FSTL4: variants seen among roughly 807,000 people sequenced by gnomAD.
FSTL4 encodes the protein follistatin-related protein 4.
In FSTL4, 28 loss-of-function variants were observed where a neutral mutation model predicts 78.2. The observed-to-expected ratio is 0.36, with a 90% CI of 0.27 to 0.49. The LOEUF (loss-of-function observed/expected upper bound fraction) is 0.49, where lower values mean the gene tolerates loss of function less well. Ranked by LOEUF, FSTL4 falls within the 20% of genes least tolerant of loss-of-function variation. The pLI is 0.98. For missense variants in FSTL4, 922 were observed against 1,084.9 expected, an observed-to-expected ratio of 0.85 and a Z score of 2.11; for synonymous variants, 422 against 440.5, an observed-to-expected ratio of 0.96 and a Z score of 0.53.
At chr5:133,606,889 A>G (rs1222038767) in intron 1 of FSTL4, among the ~76,000 whole-genome samples, 1 of 152,246 alleles carries the variant, frequency 6.6e-6, no homozygotes, top group East Asian at 1.9e-4. Context: ...ATTCATTTCA[A>G]CTGTGATTTT....
chr5:133,666,493 T>C, the FSTL4 span, among the ~76,000 whole-genome samples: 1 of 152,176 alleles, frequency 6.6e-6, no homozygotes, highest in Non-Finnish European at 1.5e-5. Context: ...GGTATTCTAA[T>C]TATATGTAAA....
intron 4 of FSTL4, among the ~76,000 whole-genome samples, chr5:133,345,767 T>C (rs1286363011): frequency 6.6e-6 from 1 of 152,160 alleles, no homozygotes; most frequent in African/African-American, 2.4e-5. Flanking sequence ...TGTGAAGAAA[T>C]AGGAACGTTT....
chr5:133,590,093 CTTTA>C (rs60216054), intron 2 of FSTL4, among the ~76,000 whole-genome samples: 30,975 of 149,008 alleles, frequency 0.21, 3,761 homozygotes, highest in East Asian at 0.29. Flanking sequence ...GGAATCTCCT[CTTTA>C]TTTATTTATT....
chr5:133,199,101 C>G lies in FSTL4; in HGVS notation c.2523G>C (p.Glu841Asp), dbSNP rs1038829351. Residue 841 changes from glutamate (E) to aspartate (D), a missense_variant, in exon 16 of 16, where the codon GAG becomes GAC. Coordinates refer to ENST00000265342, the MANE Select transcript of FSTL4 (RefSeq NM_015082.2). This position sits in a 1 kb window ranked among gnomAD's most constrained non-coding sequence, Gnocchi z 4.4. ...KGGTTVVWVG[E>D]V ...GGGCTCTGCTCTGGGCCCTTCATAC[C>G]TCACCCACCCACACCACTGTGGTCC... The G allele has an allele frequency of 6.5e-7, 1 of 1,534,596 alleles. No individual in the cohort carries two copies. The highest frequency in any genetic ancestry group is 1.3e-5 in the South Asian group (1 of 79,438).
chr5:133,234,918 C>T (rs990745841), intron 7 of FSTL4, among the ~76,000 whole-genome samples: 2 of 152,156 alleles, frequency 1.3e-5, no homozygotes, highest in Non-Finnish European at 2.9e-5. Context: ...TTATTATTAG[C>T]AGAAGATGCA....
rs1276070351 is a variant in FSTL4, at chr5:133,433,205, A to G, written c.161-32219T>C. On this transcript the variant is annotated intron_variant, in intron 3 of 15. Coordinates refer to ENST00000265342, the MANE Select transcript of FSTL4 (RefSeq NM_015082.2). The stretch of plus-strand genomic sequence containing the variant: ...CTCATTGGAATTCACCAAAACCTGG[A>G]CAAGTTCCCCAGAGACCTGCAAAAG... 2.0e-5 allele frequency among the ~76,000 whole-genome samples: 3 copies of G among 152,242 alleles called. No individual in the cohort carries two copies. In the East Asian group the frequency reaches 5.8e-4, roughly 29 times the overall value.
intron 3 of FSTL4, among the ~76,000 whole-genome samples, chr5:133,536,431 T>TA (rs1759351015): frequency 6.6e-6 from 1 of 152,222 alleles, no homozygotes; most frequent in Non-Finnish European, 1.5e-5. Flanking sequence ...TTGTTTTAAA[T>TA]ATTTGTTTAG....
chr5:133,841,987 G>C, the FSTL4 span, among the ~76,000 whole-genome samples: 1 of 152,220 alleles, frequency 6.6e-6, no homozygotes, highest in Admixed American at 6.5e-5. Flanking sequence ...GGGACCACTG[G>C]CTGCCGGCAT....
intron 3 of FSTL4, among the ~76,000 whole-genome samples, chr5:133,467,278 G>T (rs1040255296): frequency 1.3e-5 from 2 of 151,824 alleles, no homozygotes; most frequent in African/African-American, 4.8e-5. Flanking sequence ...GTGTGTGTGT[G>T]TGTGAGTGTG....
At chr5:133,335,910 C>CA (rs1203789732) in intron 4 of FSTL4, among the ~76,000 whole-genome samples, 2 of 152,134 alleles carry the variant, frequency 1.3e-5, no homozygotes, top group African/African-American at 4.8e-5. Context: ...TAATGGATCC[C>CA]AAGCTATGTG....
In FSTL4 at chr5:133,312,559, GGAGACAACT is replaced by G. The variant is rs545368640; in HGVS notation, c.727+86_727+94del. 3.6e-4 allele frequency: 412 copies of G among 1,155,110 alleles called. 5 individuals are homozygous for G. The South Asian group carries it at 5.4e-3, about 15-fold the overall frequency. 71.6% of individuals were successfully genotyped at this position (1,155,110 alleles called of 1,614,324 possible). A position where few individuals can be genotyped will look rare whatever the true frequency, so the allele number is the denominator to read the frequency against. On this transcript the variant is annotated intron_variant, in intron 6 of 15. Transcript: ENST00000265342. ...TTCCTCTGTATAAGAAACCAACCTG[GGAGACAACT>G]GAGGACAGACTCCAGGCACCCAACA...
At chr5:133,498,008 C>G (rs1266577305) in intron 3 of FSTL4, among the ~76,000 whole-genome samples, 2 of 152,078 alleles carry the variant, frequency 1.3e-5, no homozygotes, top group African/African-American at 2.4e-5. Context: ...ATGCATGGCA[C>G]CCAGCCTACA....
intron 10 of FSTL4, chr5:133,224,559 C>A (rs2126792927): frequency 4.1e-6 from 1 of 241,028 alleles, no homozygotes; most frequent in Admixed American, 5.2e-5. Flanking sequence ...GGAGAAGTGA[C>A]TTTCAACTAG....
At chr5:133,626,438 A>G in the FSTL4 span, among the ~76,000 whole-genome samples, 1 of 145,440 alleles carries the variant, frequency 6.9e-6, no homozygotes, top group Non-Finnish European at 1.5e-5. Flanking sequence ...CCTGAGCTCA[A>G]GCAATTCACC....
At chr5:133,447,442 G>A (rs1242243360) in intron 3 of FSTL4, among the ~76,000 whole-genome samples, 2 of 152,154 alleles carry the variant, frequency 1.3e-5, no homozygotes, top group Non-Finnish European at 2.9e-5. Context: ...AGAATGACCC[G>A]CTTCATAAGA....
At chr5:133,295,111 C>T (rs549547186) in intron 6 of FSTL4, among the ~76,000 whole-genome samples, 3 of 152,290 alleles carry the variant, frequency 2.0e-5, no homozygotes, top group African/African-American at 4.8e-5. Context: ...CCTACACAAT[C>T]GTTCCCGACC....
At chr5:133,672,499 G>A in the FSTL4 span, among the ~76,000 whole-genome samples, 82 of 152,330 alleles carry the variant, frequency 5.4e-4, no homozygotes, top group African/African-American at 2.0e-3. Flanking sequence ...TGGTTCCAAA[G>A]CCCATGCTCT....
intron 4 of FSTL4, among the ~76,000 whole-genome samples, chr5:133,358,229 T>A (rs1258697293): frequency 6.6e-6 from 1 of 152,188 alleles, no homozygotes; most frequent in Admixed American, 6.5e-5. Flanking sequence ...GAGCCTTAAC[T>A]TCACCTGCAA....
chr5:133,830,714 C>A, the FSTL4 span, among the ~76,000 whole-genome samples: 1 of 152,218 alleles, frequency 6.6e-6, no homozygotes, highest in African/African-American at 2.4e-5. Context: ...GCACTCCCTG[C>A]TCCGTGCTGC....
Sources: allele counts gnomAD v4.1 joint callset (sites outside exome capture counted in the v4.1 genomes callset), GRCh38; gene constraint gnomAD v4.1.1; non-coding constraint Gnocchi (gnomAD v3.1); transcripts MANE v1.5; gene names NCBI Gene and HGNC (gene_info 2026-07-23, HGNC 2026-07-21).